SLC35F3: variants seen among roughly 807,000 people sequenced by gnomAD.
SLC35F3 encodes solute carrier family 35 member F3.
Under a neutral mutation model 49.9 loss-of-function variants are expected in SLC35F3, and 25 were observed. The ratio of observed to expected loss-of-function variants is 0.50; its 90% CI spans 0.37 to 0.70. The LOEUF is 0.70. Ranked by LOEUF, SLC35F3 falls within the 30% of genes least tolerant of loss-of-function variation. The probability of loss-of-function intolerance (pLI) is 0.00; values close to 1 mark genes in which losing one functional copy is unlikely to be tolerated. For missense variants in SLC35F3, 525 were observed against 639.8 expected (o/e 0.82, Z 1.94); for synonymous variants, 275 against 265.4 (o/e 1.04, Z -0.35).
At chr1:234,253,961 C>T (rs1667778823) in intron 3 of SLC35F3, among the ~76,000 whole-genome samples, 1 of 152,176 alleles carries the variant, frequency 6.6e-6, no homozygotes, top group Admixed American at 6.5e-5. Context: ...CCTATTATGA[C>T]CCTACTGCCT....
chr1:233,930,170 A>AAG, intron 2 of SLC35F3, among the ~76,000 whole-genome samples: 1 of 149,136 alleles, frequency 6.7e-6, no homozygotes, highest in African/African-American at 2.4e-5. Flanking sequence ...AAAAAAAAGG[A>AAG]AGAGAGAGAG....
At chr1:233,990,468 A>G (rs1011392052) in intron 2 of SLC35F3, among the ~76,000 whole-genome samples, 14 of 152,180 alleles carry the variant, frequency 9.2e-5, no homozygotes, top group African/African-American at 3.4e-4. Flanking sequence ...AGGGGGTGGA[A>G]AAAATGGGAC....
rs1035449704 is a variant in SLC35F3 at position 234,119,392 on chromosome 1, C to A, written c.284-112025C>A. Among the ~76,000 whole-genome samples, 26 of 151,516 alleles carry A rather than the reference C, an allele frequency of 1.7e-4. 1 individual carries two copies. Among genetic ancestry groups the A allele is most frequent in the Admixed American group, 7.9e-4 (12 of 15,188 alleles). On this transcript the variant is annotated intron_variant, in intron 2 of 7. Coordinates refer to ENST00000366618, the MANE Select transcript of SLC35F3 (RefSeq NM_173508.4). ...TCAGGGATGAACAAACCAAATAAACCATGAAAAATCTGTCTCGTGGCAAAG... is the reference window on the plus strand; with the variant it reads ...TCAGGGATGAACAAACCAAATAAACAATGAAAAATCTGTCTCGTGGCAAAG...
chr1:234,269,002 A>G (rs1421292478), intron 3 of SLC35F3, among the ~76,000 whole-genome samples: 1 of 152,212 alleles, frequency 6.6e-6, no homozygotes, highest in East Asian at 1.9e-4. Context: ...CGTAAAAGGA[A>G]TATAAGCCCA....
chr1:233,982,617 G>T (rs780338847), intron 2 of SLC35F3, among the ~76,000 whole-genome samples: 4 of 152,048 alleles, frequency 2.6e-5, no homozygotes, highest in Non-Finnish European at 4.4e-5. Context: ...CAGGTGATCC[G>T]CCCACCTTGG....
intron 2 of SLC35F3, among the ~76,000 whole-genome samples, chr1:233,965,318 T>C (rs927826754): frequency 1.3e-5 from 2 of 152,210 alleles, no homozygotes; most frequent in African/African-American, 4.8e-5. Flanking sequence ...TACCCCAGGC[T>C]TACAGCTTGT....
At chr1:234,278,269 C>G (rs1359956452) in intron 3 of SLC35F3, among the ~76,000 whole-genome samples, 1 of 152,024 alleles carries the variant, frequency 6.6e-6, no homozygotes, top group African/African-American at 2.4e-5. Context: ...GGCTGGTGAC[C>G]ACCTGAGGTC....
intron 3 of SLC35F3, among the ~76,000 whole-genome samples, chr1:234,282,383 T>C (rs948368083): frequency 6.6e-6 from 1 of 152,184 alleles, no homozygotes; most frequent in African/African-American, 2.4e-5. Flanking sequence ...CTGAAATTGG[T>C]GGTCTTCTCC....
chr1:234,013,514 C>T (rs1663755708), intron 2 of SLC35F3, among the ~76,000 whole-genome samples: 1 of 150,382 alleles, frequency 6.6e-6, no homozygotes. Flanking sequence ...GAAACAGAGA[C>T]TAGAAAAACA....
chr1:233,954,145 T>G (rs553574093), intron 2 of SLC35F3, among the ~76,000 whole-genome samples: 1 of 152,118 alleles, frequency 6.6e-6, no homozygotes, highest in East Asian at 1.9e-4. Context: ...TAGCTGGGAC[T>G]ACAGGCATGT....
intron 2 of SLC35F3, among the ~76,000 whole-genome samples, chr1:234,037,127 G>C (rs1247389769): frequency 5.3e-5 from 8 of 152,102 alleles, no homozygotes; most frequent in Admixed American, 5.2e-4. Context: ...GATTTATTTG[G>C]TTCACAATTC....
chr1:234,092,029 C>T (rs1222397700), intron 2 of SLC35F3, among the ~76,000 whole-genome samples: 1 of 152,192 alleles, frequency 6.6e-6, no homozygotes, highest in Non-Finnish European at 1.5e-5. Flanking sequence ...TGTGCCACCA[C>T]TGAAGGGCTC....
intron 2 of SLC35F3, among the ~76,000 whole-genome samples, chr1:233,924,464 TG>T (rs1350654554): frequency 2.0e-5 from 3 of 152,262 alleles, no homozygotes; most frequent in African/African-American, 7.2e-5. Context: ...GATGGTAGTT[TG>T]TATTTCTGTG....
At chr1:233,958,353 C>G (rs1349700919) in intron 2 of SLC35F3, among the ~76,000 whole-genome samples, 2 of 152,194 alleles carry the variant, frequency 1.3e-5, no homozygotes, top group East Asian at 1.9e-4. Context: ...AATGGTCATG[C>G]CTTTCTCACT....
At chr1:234,197,196 G>T (rs1042611408) in intron 2 of SLC35F3, among the ~76,000 whole-genome samples, 3 of 152,184 alleles carry the variant, frequency 2.0e-5, no homozygotes, top group Admixed American at 2.0e-4. Context: ...GCATATCAAA[G>T]TTAGGCTCCT....
intron 2 of SLC35F3, among the ~76,000 whole-genome samples, chr1:234,163,551 G>A (rs1666262205): frequency 6.6e-6 from 1 of 152,212 alleles, no homozygotes; most frequent in Non-Finnish European, 1.5e-5. Context: ...AACAAATGGT[G>A]AGTGAGAGGG....
intron 3 of SLC35F3, among the ~76,000 whole-genome samples, chr1:234,252,560 A>C (rs1667754180): frequency 6.6e-6 from 1 of 152,242 alleles, no homozygotes; most frequent in African/African-American, 2.4e-5. Flanking sequence ...GAAATGAACA[A>C]AGGATATAAA....
chr1:233,911,117 G>T (rs532357453), intron 2 of SLC35F3, among the ~76,000 whole-genome samples: 19 of 152,220 alleles, frequency 1.2e-4, no homozygotes, highest in Non-Finnish European at 2.4e-4. Flanking sequence ...TTTGTATGAG[G>T]TGAGGGGGAA....
intron 2 of SLC35F3, among the ~76,000 whole-genome samples, chr1:234,000,384 A>G (rs554740832): frequency 6.6e-6 from 1 of 152,294 alleles, no homozygotes; most frequent in East Asian, 1.9e-4. Flanking sequence ...CTTTGTTCCC[A>G]ATTTTACGCA....
Sources: allele counts gnomAD v4.1 joint callset (sites outside exome capture counted in the v4.1 genomes callset), GRCh38; gene constraint gnomAD v4.1.1; transcripts MANE v1.5; gene names NCBI Gene and HGNC (gene_info 2026-07-23, HGNC 2026-07-21).